ADAMTSL1: variants seen among roughly 807,000 people sequenced by gnomAD.
The protein encoded by ADAMTSL1 is ADAMTS like 1.
Under a neutral mutation model 201.8 loss-of-function variants are expected in ADAMTSL1, and 126 were observed. The ratio of observed to expected loss-of-function variants is 0.62; its 90% confidence interval spans 0.54 to 0.72. ADAMTSL1 has a LOEUF of 0.72. ADAMTSL1 is among the 30% of genes least tolerant of loss of function. The pLI is 0.00. For synonymous variants in ADAMTSL1, 1,121 were observed against 903.4 expected, an observed-to-expected ratio of 1.24 and a Z score of -4.32; for missense variants, 2,679 against 2,277.8, an observed-to-expected ratio of 1.18 and a Z score of -3.59.
At chr9:18,459,522 G>A (rs1004666202) in intron 2 of ADAMTSL1, among the ~76,000 whole-genome samples, 17 of 152,112 alleles carry the variant, frequency 1.1e-4, no homozygotes. Context: ...TGGAGTTACA[G>A]AAGTGAACAG....
At chr9:18,858,761 G>T (rs1408537274) in intron 23 of ADAMTSL1, among the ~76,000 whole-genome samples, 3 of 152,150 alleles carry the variant, frequency 2.0e-5, no homozygotes, top group African/African-American at 7.2e-5. Context: ...TTACCTTTGT[G>T]ACTTTGAATA....
At chr9:18,613,640 C>A (rs989867487) in intron 4 of ADAMTSL1, among the ~76,000 whole-genome samples, 2 of 151,976 alleles carry the variant, frequency 1.3e-5, no homozygotes, top group Non-Finnish European at 2.9e-5. Context: ...CAAACAAAAA[C>A]AAATACTGCA....
At chr9:18,589,025 C>A (rs1823738439) in intron 4 of ADAMTSL1, among the ~76,000 whole-genome samples, 1 of 150,888 alleles carries the variant, frequency 6.6e-6, no homozygotes, top group South Asian at 2.1e-4. Context: ...TACAGGTGTC[C>A]ACTACCATGA....
chr9:18,083,855 T>C (rs1823623884), intron 1 of ADAMTSL1, among the ~76,000 whole-genome samples: 1 of 152,062 alleles, frequency 6.6e-6, no homozygotes, highest in Non-Finnish European at 1.5e-5. Flanking sequence ...TTTACTCCTC[T>C]TTTTTAGGGC....
At chr9:18,553,458 G>T (rs1459401126) in intron 3 of ADAMTSL1, among the ~76,000 whole-genome samples, 1 of 151,542 alleles carries the variant, frequency 6.6e-6, no homozygotes, top group African/African-American at 2.4e-5. Context: ...TCACAGATTA[G>T]ACACTTGATA....
intron 23 of ADAMTSL1, among the ~76,000 whole-genome samples, chr9:18,837,280 T>C (rs1825370536): frequency 6.6e-6 from 1 of 152,262 alleles, no homozygotes; most frequent in African/African-American, 2.4e-5. Context: ...TTGTATATGA[T>C]ATAAGCTATA....
At position 18,680,364 on chromosome 9, in the gene ADAMTSL1, C is replaced by T. The variant is rs747024597; in HGVS notation, c.1189C>T (p.Gln397Ter). The T allele has an allele frequency of 6.2e-7, 1 of 1,614,128 alleles. No homozygotes were observed. Among genetic ancestry groups the T allele is most frequent in the Admixed American group, 1.7e-5 (1 of 60,014 alleles). Residue 397 changes from glutamine to a stop codon, truncating the protein, a stop_gained, in exon 11 of 29, where the codon CAG becomes TAG. Transcript: ENST00000380548. LOFTEE classifies it high-confidence loss of function. ...ACSSSCGGGI[Q>*]SRAVSCVEED... ...CTCCTCCTCGTGTGGGGGGGGCATC[C>T]AGAGCCGGGCAGTTTCCTGTGTGGA...
In ADAMTSL1 at chr9:18,680,463, C is replaced by A; in HGVS notation, c.1288C>A (p.Gln430Lys). The change falls in exon 11 of 29, where the codon CAG (glutamine) becomes AAG (lysine). Residue 430 changes from glutamine to lysine, a missense_variant. Gln to Lys is a moderately conservative substitution (Grantham distance 53). Transcript: ENST00000380548. ...GTACACCCCTAAGATGCCCATCGCG[C>A]AGCCCTGCAACATTTTTGACTGCCC... is the stretch of plus-strand genomic sequence containing the variant. ...CMYTPKMPIAQPCNIFDCPKW... is the reference protein window; with the variant it reads ...CMYTPKMPIAKPCNIFDCPKW... The A allele has an allele frequency of 6.2e-7, 1 of 1,614,196 alleles. No homozygotes were observed. Among genetic ancestry groups the A allele is most frequent in the South Asian group, 1.1e-5 (1 of 91,078 alleles).
intron 7 of ADAMTSL1, among the ~76,000 whole-genome samples, chr9:18,649,952 G>T (rs902890764): frequency 6.6e-6 from 1 of 152,150 alleles, no homozygotes; most frequent in Admixed American, 6.5e-5. Flanking sequence ...GTCTGCAGAC[G>T]TTACTGCTGT....
At chr9:18,278,325 G>T (rs756958054) in intron 2 of ADAMTSL1, among the ~76,000 whole-genome samples, 1 of 152,104 alleles carries the variant, frequency 6.6e-6, no homozygotes, top group African/African-American at 2.4e-5. Flanking sequence ...AGCATTTCTG[G>T]TACAGCAGGT....
chr9:17,962,580 C>CA (rs1224074268), intron 1 of ADAMTSL1, among the ~76,000 whole-genome samples: 31 of 152,238 alleles, frequency 2.0e-4, no homozygotes, highest in Admixed American at 1.8e-3. Flanking sequence ...GTGATTGTGT[C>CA]ACTGCAGAAA....
chr9:18,046,497 A>C (rs1821665010), intron 1 of ADAMTSL1, among the ~76,000 whole-genome samples: 2 of 152,192 alleles, frequency 1.3e-5, no homozygotes, highest in Non-Finnish European at 2.9e-5. Context: ...TAACTGGCTA[A>C]AATATAGTCA....
At chr9:18,271,785 C>T (rs1433612082) in intron 2 of ADAMTSL1, among the ~76,000 whole-genome samples, 1 of 152,186 alleles carries the variant, frequency 6.6e-6, no homozygotes, top group African/African-American at 2.4e-5. Context: ...AGTTTACACT[C>T]CCACCAACAG....
At chr9:18,342,140 T>C (rs969035871) in intron 2 of ADAMTSL1, among the ~76,000 whole-genome samples, 7 of 152,146 alleles carry the variant, frequency 4.6e-5, no homozygotes, top group African/African-American at 9.6e-5. Flanking sequence ...TTCTATGAAA[T>C]TTTTCTTCTC....
At chr9:18,841,769 G>A (rs1825732010) in intron 23 of ADAMTSL1, among the ~76,000 whole-genome samples, 4 of 152,124 alleles carry the variant, frequency 2.6e-5, no homozygotes, top group South Asian at 2.1e-4. Context: ...GTCTTGGGAG[G>A]GTGTATGTGT....
At chr9:17,965,449 T>TA (rs1319003720) in intron 1 of ADAMTSL1, among the ~76,000 whole-genome samples, 4 of 152,192 alleles carry the variant, frequency 2.6e-5, no homozygotes, top group Non-Finnish European at 5.9e-5. Context: ...CATTGTGGAA[T>TA]AAAAAGTATT....
chr9:18,829,983 T>A lies in ADAMTSL1; in HGVS notation c.4249+6T>A, dbSNP rs368574646. 7.9e-5 allele frequency: 126 copies of A among 1,603,654 alleles called. 1 individual carries two copies. The highest frequency in any genetic ancestry group is 8.5e-6 in the Non-Finnish European group (10 of 1,175,202). ...TGGGAATTCTGCTCTCCTTGGTGAGTCTAACCCTCGGAAACATTGGGCAGA... is the reference window on the plus strand; with the variant it reads ...TGGGAATTCTGCTCTCCTTGGTGAGACTAACCCTCGGAAACATTGGGCAGA... On this transcript the variant is annotated splice_donor_region_variant and intron_variant, in intron 23 of 28. Coordinates refer to ENST00000380548, the MANE Select transcript of ADAMTSL1 (RefSeq NM_001040272.6).
intron 1 of ADAMTSL1, among the ~76,000 whole-genome samples, chr9:18,484,946 G>C (rs893984138): frequency 3.9e-5 from 6 of 152,132 alleles, no homozygotes; most frequent in African/African-American, 1.4e-4. Context: ...AACTAAGGAC[G>C]CTAATAAAAT....
chr9:18,394,905 G>T (rs377269895), intron 2 of ADAMTSL1, among the ~76,000 whole-genome samples: 5 of 152,196 alleles, frequency 3.3e-5, no homozygotes. Flanking sequence ...TGGGAAAAAA[G>T]TCTGCAAATG....
Sources: allele counts gnomAD v4.1 joint callset (sites outside exome capture counted in the v4.1 genomes callset), GRCh38; gene constraint gnomAD v4.1.1; transcripts MANE v1.5; gene names NCBI Gene and HGNC (gene_info 2026-07-23, HGNC 2026-07-21).